Variants in KIF6 observed in about 807,000 individuals in gnomAD.
KIF6 encodes the protein kinesin-like protein KIF6.
Under a neutral mutation model 112.7 loss-of-function variants are expected in KIF6, and 106 were observed. The ratio of observed to expected loss-of-function variants is 0.94; its 90% confidence interval spans 0.80 to 1.11. KIF6 has a LOEUF of 1.11. KIF6 is among the 50% of genes least tolerant of loss of function. KIF6 has a pLI of 0.00. For synonymous variants in KIF6, 339 were observed against 339.9 expected (o/e 1.00, Z 0.03); for missense variants, 929 against 964.0 (o/e 0.96, Z 0.48).
At chr6:39,572,080 A>G (rs988911561) in intron 10 of KIF6, among the ~76,000 whole-genome samples, 1 of 152,184 alleles carries the variant, frequency 6.6e-6, no homozygotes, top group Non-Finnish European at 1.5e-5. Context: ...ATAAACTGCT[A>G]TTACATTTTT....
chr6:39,439,384 G>T (rs1771769435), intron 13 of KIF6, among the ~76,000 whole-genome samples: 1 of 152,096 alleles, frequency 6.6e-6, no homozygotes, highest in African/African-American at 2.4e-5. Context: ...TCCCAGCGCT[G>T]GATCCCTGAA....
intron 13 of KIF6, among the ~76,000 whole-genome samples, chr6:39,532,480 G>A (rs1202088064): frequency 6.6e-6 from 1 of 152,136 alleles, no homozygotes; most frequent in Non-Finnish European, 1.5e-5. Context: ...CAGCAAAGAT[G>A]TATAGAAAAC....
At chr6:39,711,610 T>C (rs1467102297) in intron 3 of KIF6, among the ~76,000 whole-genome samples, 3 of 152,168 alleles carry the variant, frequency 2.0e-5, no homozygotes, top group African/African-American at 4.8e-5. Context: ...TGGGCTCATT[T>C]AACTGTGAAG....
intron 3 of KIF6, among the ~76,000 whole-genome samples, chr6:39,670,318 A>T (rs1359276126): frequency 1.3e-5 from 2 of 152,212 alleles, no homozygotes; most frequent in Non-Finnish European, 2.9e-5. Context: ...GCAGTCAAAG[A>T]TCTGCATATA....
At chr6:39,516,956 G>C (rs1466882389) in intron 13 of KIF6, among the ~76,000 whole-genome samples, 1 of 152,126 alleles carries the variant, frequency 6.6e-6, no homozygotes, top group African/African-American at 2.4e-5. Context: ...TGGGAGCAAA[G>C]GAAGGTGAGT....
At chr6:39,658,790 G>A (rs1275026858) in intron 3 of KIF6, among the ~76,000 whole-genome samples, 1 of 152,184 alleles carries the variant, frequency 6.6e-6, no homozygotes, top group Non-Finnish European at 1.5e-5. Context: ...CAATAATGAA[G>A]GTCTTCACAC....
intron 13 of KIF6, among the ~76,000 whole-genome samples, chr6:39,473,650 GT>G (rs1386520034): frequency 2.0e-5 from 3 of 152,168 alleles, no homozygotes; most frequent in Admixed American, 1.3e-4. Context: ...ATGCTTTGGG[GT>G]TTTGGAGGCA....
At chr6:39,404,109 C>A (rs890517616) in intron 15 of KIF6, among the ~76,000 whole-genome samples, 7 of 152,038 alleles carry the variant, frequency 4.6e-5, no homozygotes, top group Non-Finnish European at 1.0e-4. Context: ...ATATTTTCTC[C>A]CAGTCTGTCA....
Position 39,345,804 on chromosome 6 carries a change from CA to C in KIF6, c.2232-16del. On this transcript the variant is annotated splice_polypyrimidine_tract_variant and intron_variant, in intron 20 of 22. Transcript: ENST00000287152. Reference sequence around the variant, plus strand: ...CATTCACATCACTGCAAAACACAAACAAACAAAAGCAAAAGGAATGGGGGCA... The same window carrying C: ...CATTCACATCACTGCAAAACACAAACAACAAAAGCAAAAGGAATGGGGGCA... The C allele has an allele frequency of 1.9e-6, 3 of 1,602,994 alleles. No homozygotes were observed. Among genetic ancestry groups the C allele is most frequent in the Non-Finnish European group, 8.5e-7 (1 of 1,172,532 alleles).
chr6:39,364,401 G>C (rs149923806), intron 16 of KIF6, among the ~76,000 whole-genome samples: 4,429 of 152,172 alleles, frequency 0.029, 234 homozygotes, highest in African/African-American at 0.1. Flanking sequence ...TTACAGGTGT[G>C]AGCCACCGCG....
chr6:39,665,716 T>C (rs1387975725), intron 3 of KIF6, among the ~76,000 whole-genome samples: 2 of 149,620 alleles, frequency 1.3e-5, no homozygotes, highest in Admixed American at 1.3e-4. Flanking sequence ...TGAAGAGCTG[T>C]TTTTTTTTTC....
At chr6:39,653,549 C>T (rs1246891330) in intron 3 of KIF6, among the ~76,000 whole-genome samples, 1 of 152,286 alleles carries the variant, frequency 6.6e-6, no homozygotes, top group African/African-American at 2.4e-5. Flanking sequence ...TCCTCAATTT[C>T]CTTTGATGCC....
intron 6 of KIF6, among the ~76,000 whole-genome samples, chr6:39,611,769 G>A (rs1398178667): frequency 1.3e-5 from 2 of 152,096 alleles, no homozygotes; most frequent in African/African-American, 4.8e-5. Context: ...AGGATTTAGT[G>A]GAGCATGCTA....
chr6:39,544,174 G>T lies in KIF6; in HGVS notation c.1426+381C>A, dbSNP rs1234042308. 3.9e-5 allele frequency among the ~76,000 whole-genome samples: 6 copies of T among 152,120 alleles called. No individual in the cohort carries two copies. The East Asian group carries it at 1.2e-3, about 29-fold the overall frequency. ...TGAGTCTGTGGTCAGCCTGTTGTCT[G>T]GTCAGCTTGCTAAAGATAACCAGCT... On this transcript the variant is annotated intron_variant, in intron 12 of 22. Transcript: ENST00000287152.
At chr6:39,549,243 TC>T (rs1779234803) in intron 10 of KIF6, among the ~76,000 whole-genome samples, 3 of 151,814 alleles carry the variant, frequency 2.0e-5, no homozygotes, top group Admixed American at 2.0e-4. Flanking sequence ...AAAAAAGCTC[TC>T]TCTGTAGCCA....
At chr6:39,710,270 A>C (rs1452330024) in intron 3 of KIF6, among the ~76,000 whole-genome samples, 1 of 152,192 alleles carries the variant, frequency 6.6e-6, no homozygotes, top group African/African-American at 2.4e-5. Context: ...CCATGCCCTC[A>C]GCACATGCCA....
intron 13 of KIF6, among the ~76,000 whole-genome samples, chr6:39,513,658 T>C (rs1272476483): frequency 6.6e-6 from 1 of 152,148 alleles, no homozygotes; most frequent in Non-Finnish European, 1.5e-5. Context: ...GGTGATATAT[T>C]TGTGTAGTTC....
At chr6:39,530,406 T>TA (rs1311129254) in intron 13 of KIF6, among the ~76,000 whole-genome samples, 12 of 152,190 alleles carry the variant, frequency 7.9e-5, no homozygotes, top group Non-Finnish European at 1.8e-4. Context: ...AAGAAATTTT[T>TA]AAAAAACTCC....
chr6:39,470,554 G>A (rs746429956), intron 13 of KIF6, among the ~76,000 whole-genome samples: 40 of 152,132 alleles, frequency 2.6e-4, no homozygotes, highest in Non-Finnish European at 5.0e-4. Context: ...GGATGATTGC[G>A]GGGGAGGTCC....
Sources: gnomAD v4.1 joint callset for allele counts (sites outside exome capture counted in the v4.1 genomes callset) on GRCh38, gnomAD v4.1.1 for gene constraint, MANE v1.5 for transcripts, NCBI Gene and HGNC (gene_info 2026-07-23, HGNC 2026-07-21) for gene names.